The following IRAG1 variants were observed in gnomAD, a reference collection of about 807,000 sequenced individuals.
IRAG1 encodes inositol 1,4,5-triphosphate receptor associated 1.
IRAG1 carries 62 observed loss-of-function variants against 106.2 expected under a neutral mutation model. The observed-to-expected ratio is 0.58, with a 90% confidence interval of 0.48 to 0.72. IRAG1 has a LOEUF of 0.72. Ranked by LOEUF, IRAG1 falls within the 30% of genes least tolerant of loss-of-function variation. The pLI, the probability that IRAG1 is intolerant of heterozygous loss-of-function variation, is 0.00. For missense variants in IRAG1, 1,064 were observed against 1,140.7 expected, an observed-to-expected ratio of 0.93 and a Z score of 0.97; for synonymous variants, 462 against 443.9, an observed-to-expected ratio of 1.04 and a Z score of -0.51.
intron 1 of IRAG1, among the ~76,000 whole-genome samples, chr11:10,668,397 T>A (rs2135081420): frequency 6.6e-6 from 1 of 152,372 alleles, no homozygotes; most frequent in East Asian, 1.9e-4. Context: ...TTATTATTAT[T>A]ATTCCTATAT....
intron 10 of IRAG1, among the ~76,000 whole-genome samples, chr11:10,613,468 A>G (rs1159065192): frequency 6.6e-6 from 1 of 152,248 alleles, no homozygotes; most frequent in Non-Finnish European, 1.5e-5. Context: ...GATAGAACTC[A>G]GGGAACACAG....
At chr11:10,630,070 C>T (rs556959396) in intron 4 of IRAG1, 35 of 191,240 alleles carry the variant, frequency 1.8e-4, no homozygotes, top group African/African-American at 3.7e-4. Flanking sequence ...CAAGCTAATG[C>T]GCTTAAGGTT....
intron 18 of IRAG1, among the ~76,000 whole-genome samples, chr11:10,584,640 A>C (rs1221807940): frequency 1.3e-5 from 2 of 148,192 alleles, no homozygotes; most frequent in African/African-American, 4.9e-5. Flanking sequence ...TCAGCCTTAG[A>C]GGTTCCTTAA....
At chr11:10,680,146 G>A (rs994149843) in intron 1 of IRAG1, among the ~76,000 whole-genome samples, 11 of 151,706 alleles carry the variant, frequency 7.3e-5, no homozygotes, top group East Asian at 1.9e-4. Flanking sequence ...GGTGGCGCAT[G>A]CCTGTAATCC....
Position 10,583,053 on chromosome 11 carries a change from G to C in IRAG1, c.2241-1067C>G, listed in dbSNP as rs1243666069. 2.0e-5 allele frequency among the ~76,000 whole-genome samples: 3 copies of C among 152,236 alleles called. No individual in the cohort carries two copies. The East Asian group carries it at 5.8e-4, about 29-fold the overall frequency. On this transcript the variant is annotated intron_variant, in intron 18 of 20. Transcript: ENST00000423302. Reference sequence around the variant, plus strand: ...TTGTTTGAGAACTTAAAAAGAGGCAGTGTGGCAGGAGTTAACTTTTGGACA... The same window carrying C: ...TTGTTTGAGAACTTAAAAAGAGGCACTGTGGCAGGAGTTAACTTTTGGACA...
intron 20 of IRAG1, among the ~76,000 whole-genome samples, chr11:10,579,731 G>A (rs1395009843): frequency 1.3e-5 from 2 of 152,112 alleles, no homozygotes; most frequent in Non-Finnish European, 2.9e-5. Flanking sequence ...ATTGCATGGA[G>A]TGCCCTGGAA....
intron 14 of IRAG1, among the ~76,000 whole-genome samples, chr11:10,602,250 C>T (rs1387447863): frequency 1.3e-5 from 2 of 152,204 alleles, no homozygotes; most frequent in Non-Finnish European, 2.9e-5. Context: ...CAGGGCTGCA[C>T]CACCCCAGGA....
intron 10 of IRAG1, among the ~76,000 whole-genome samples, chr11:10,620,947 T>C (rs555670030): frequency 6.6e-6 from 1 of 152,128 alleles, no homozygotes; most frequent in Non-Finnish European, 1.5e-5. Flanking sequence ...AAATCATAAC[T>C]GAGGAGAAAT....
chr11:10,648,080 T>C (rs539277185), intron 2 of IRAG1, among the ~76,000 whole-genome samples: 1 of 152,240 alleles, frequency 6.6e-6, no homozygotes, highest in East Asian at 1.9e-4. Flanking sequence ...TACAGATTCC[T>C]ACCCTGGGCC....
rs1455495337 is a variant in IRAG1 at position 10,693,587 on chromosome 11, G to A, written c.16C>T (p.Gln6Ter). The change falls in exon 1 of 21, where the codon CAG becomes TAG. Residue 6 changes from glutamine to a stop codon, truncating the protein, a stop_gained. Coordinates refer to ENST00000423302, the MANE Select transcript of IRAG1 (RefSeq NM_130385.4). LOFTEE classifies it high-confidence loss of function. MVKAP[Q>*]SEERLARGGK... ...CCTCTGGCCAGCCTCTCTTCACTCT[G>A]GGGAGCTTTTACCATTTAAGGTCAA... The A allele has an allele frequency of 6.5e-6, 10 of 1,535,110 alleles. No homozygotes were observed. In the Admixed American group the frequency reaches 7.8e-5, roughly 12 times the overall value.
In IRAG1 at chr11:10,574,308, GCT is replaced by G. The variant is rs1305846627; in HGVS notation, c.*2022_*2023del. ...GCAGCATGTCAGCTGTCCCCAGGCT[GCT>G]CTCCACCACCTTAAATGTTTGCTTG... On this transcript the variant is annotated 3_prime_UTR_variant, in exon 21 of 21. Coordinates refer to ENST00000423302, the MANE Select transcript of IRAG1 (RefSeq NM_130385.4). 2.0e-5 allele frequency: 3 copies of G among 152,170 alleles called. No individual in the cohort carries two copies. Among genetic ancestry groups the G allele is most frequent in the Non-Finnish European group, 4.4e-5 (3 of 68,030 alleles). The allele number at this position is 152,170 out of a possible 1,614,324, so 9.4% of individuals were successfully genotyped here.
At position 10,623,796 on chromosome 11, in the gene IRAG1, C is replaced by CT; in HGVS notation, c.1428dup (p.Ala477SerfsTer3). Reference sequence around the variant, plus strand: ...CACCTACCTTTTTCCTGCTCAGCTGCTTCACTAAGGTCTGGAAGCTTGAGC... The same window carrying CT: ...CACCTACCTTTTTCCTGCTCAGCTGCTTTCACTAAGGTCTGGAAGCTTGAGC... On this transcript the variant is annotated frameshift_variant, in exon 10 of 21. Transcript: ENST00000423302. LOFTEE classifies it high-confidence loss of function. The CT allele has an allele frequency of 6.2e-7, 1 of 1,614,044 alleles. No homozygotes were observed.
intron 10 of IRAG1, among the ~76,000 whole-genome samples, chr11:10,621,823 T>C (rs1042688739): frequency 1.3e-5 from 2 of 152,202 alleles, no homozygotes; most frequent in South Asian, 4.1e-4. Context: ...ACCTTGAAGA[T>C]GTTTTACTAA....
intron 8 of IRAG1, among the ~76,000 whole-genome samples, chr11:10,627,414 G>T (rs1856327003): frequency 6.6e-6 from 1 of 152,166 alleles, no homozygotes; most frequent in Admixed American, 6.5e-5. Context: ...GAGCTGACAG[G>T]AGCCACAGTC....
At position 10,601,077 on chromosome 11, in the gene IRAG1, A is replaced by G. The variant is rs988289922; in HGVS notation, c.1876-18T>C. Reference sequence around the variant, plus strand: ...CGCTTTTCCTGCGGGGAAGGAGCGCATGAGTGCATGAGGCCATTGGAGGAA... The same window carrying G: ...CGCTTTTCCTGCGGGGAAGGAGCGCGTGAGTGCATGAGGCCATTGGAGGAA... On this transcript the variant is annotated intron_variant, in intron 14 of 20. Transcript: ENST00000423302. 9.3e-6 allele frequency: 15 copies of G among 1,612,966 alleles called. No individual in the cohort carries two copies. Among genetic ancestry groups the G allele is most frequent in the Non-Finnish European group, 1.3e-5 (15 of 1,179,834 alleles).
At chr11:10,586,818 GGAA>G (rs1175778669) in intron 18 of IRAG1, among the ~76,000 whole-genome samples, 2 of 152,190 alleles carry the variant, frequency 1.3e-5, no homozygotes, top group African/African-American at 2.4e-5. Context: ...TGTCATCACA[GGAA>G]GAAGGACTGT....
rs1425702227 is a variant in IRAG1 at position 10,628,912 on chromosome 11, G to A, written c.575-84C>T. The stretch of plus-strand genomic sequence containing the variant: ...AAAGGCATCCTTTTAGGTATTCCCA[G>A]GCCCTGGGAACTGGGTCTGCCTTGC... On this transcript the variant is annotated intron_variant, in intron 5 of 20. Coordinates refer to ENST00000423302, the MANE Select transcript of IRAG1 (RefSeq NM_130385.4). The surrounding 1 kb of genome is among the most constrained non-coding windows in gnomAD (Gnocchi z 4.1). The A allele has an allele frequency of 1.5e-6, 2 of 1,339,900 alleles. No homozygotes were observed. The highest frequency in any genetic ancestry group is 2.1e-6 in the Non-Finnish European group (2 of 971,742). The allele number at this position is 1,339,900 out of a possible 1,614,324, so 83.0% of individuals were successfully genotyped here.
chr11:10,626,227 C>G lies in IRAG1; in HGVS notation c.1107G>C (p.Pro369=). The change falls in exon 9 of 21, where the codon CCG becomes CCC. Residue 369 remains proline, a synonymous_variant. Transcript: ENST00000423302. ...CTTTGGAGCCAGCCTCGGGCCCCAT[C>G]GGCTCTCCAGCTGGGCCTCTCCCCT... The part of the protein sequence containing the change: ...ASQGRGPAGE[P]MGPEAGSKAE... 1 of 1,597,550 alleles carries G rather than the reference C, an allele frequency of 6.3e-7. No homozygotes were observed. The highest frequency in any genetic ancestry group is 8.5e-7 in the Non-Finnish European group (1 of 1,170,284).
intron 10 of IRAG1, among the ~76,000 whole-genome samples, chr11:10,610,894 C>A (rs1415060541): frequency 6.6e-6 from 1 of 152,124 alleles, no homozygotes; most frequent in Non-Finnish European, 1.5e-5. Flanking sequence ...CATATTTATC[C>A]ATGTTTTACT....
Sources: allele counts gnomAD v4.1 joint callset (sites outside exome capture counted in the v4.1 genomes callset), GRCh38; gene constraint gnomAD v4.1.1; non-coding constraint Gnocchi (gnomAD v3.1); transcripts MANE v1.5; gene names NCBI Gene and HGNC (gene_info 2026-07-23, HGNC 2026-07-21).